The following ZFHX3 variants were observed in gnomAD, a reference collection of about 807,000 sequenced individuals.
ZFHX3 encodes zinc finger homeobox 3.
In ZFHX3, 42 loss-of-function variants were observed where a neutral mutation model predicts 279.1. That is an observed-to-expected ratio of 0.15 (90% CI 0.12 to 0.19). ZFHX3 has a LOEUF of 0.19. Ranked by LOEUF, ZFHX3 falls within the 10% of genes least tolerant of loss-of-function variation. The probability of loss-of-function intolerance (pLI) is 1.00; values close to 1 mark genes in which losing one functional copy is unlikely to be tolerated. For missense variants in ZFHX3, 4,981 were observed against 4,754.0 expected, an observed-to-expected ratio of 1.05 and a Z score of -1.40; for synonymous variants, 2,293 against 1,957.8, an observed-to-expected ratio of 1.17 and a Z score of -4.52.
rs185920663 is a variant in ZFHX3, at chr16:73,367,473, G to A, written c.-1290-49137C>T. Reference sequence around the variant, plus strand: ...ACCTTTGACTGGGTCATGTGTTCAAGCTGGCCCACAGAGACATGAAAACAT... The same window carrying A: ...ACCTTTGACTGGGTCATGTGTTCAAACTGGCCCACAGAGACATGAAAACAT... On this transcript the variant is annotated intron_variant, in intron 3 of 17. Transcript: ENST00000641206. Among the ~76,000 whole-genome samples the A allele has an allele frequency of 3.3e-5, 5 of 152,246 alleles. No homozygotes were observed. The East Asian group carries it at 7.7e-4, about 24-fold the overall frequency.
intron 3 of ZFHX3, among the ~76,000 whole-genome samples, chr16:72,902,260 G>A (rs959417336): frequency 5.9e-5 from 9 of 152,074 alleles, no homozygotes; most frequent in East Asian, 1.9e-4. Context: ...ACAGCTGTTC[G>A]TTCCTTTAAG....
chr16:73,778,529 C>A (rs1959342724), intron 1 of ZFHX3, among the ~76,000 whole-genome samples: 1 of 152,188 alleles, frequency 6.6e-6, no homozygotes, highest in African/African-American at 2.4e-5. Context: ...TATTAAGCTG[C>A]TGTTTTAAGC....
chr16:73,502,352 T>G (rs934106044), intron 2 of ZFHX3, among the ~76,000 whole-genome samples: 17 of 152,250 alleles, frequency 1.1e-4, no homozygotes, highest in African/African-American at 4.1e-4. Context: ...CACCATTGCC[T>G]ACATTCTCTT....
chr16:73,007,945 T>C (rs1185697348), intron 1 of ZFHX3, among the ~76,000 whole-genome samples: 1 of 152,186 alleles, frequency 6.6e-6, no homozygotes, highest in Non-Finnish European at 1.5e-5. Context: ...TCAATTCCTT[T>C]TTAGTTTTCT....
At chr16:73,422,186 G>A (rs562597870) in intron 3 of ZFHX3, among the ~76,000 whole-genome samples, 5 of 134,466 alleles carry the variant, frequency 3.7e-5, no homozygotes, top group African/African-American at 5.6e-5. Flanking sequence ...AAAACAGGAT[G>A]TTTTCAGAAG....
chr16:73,059,508 CTTA>C (rs1965650919), exon 1 of ZFHX3: 1 of 136,098 alleles, frequency 7.3e-6, no homozygotes, highest in Non-Finnish European at 1.6e-5. Flanking sequence ...TCTTTTCTTT[CTTA>C]TTATTTTCCC....
intron 4 of ZFHX3, among the ~76,000 whole-genome samples, chr16:73,286,807 G>A (rs1417095308): frequency 6.9e-6 from 1 of 145,676 alleles, no homozygotes; most frequent in South Asian, 2.2e-4. Context: ...GTGTGGGTTG[G>A]TGTGTGGCTG....
At position 72,959,436 on chromosome 16, in the gene ZFHX3, C is replaced by G; in HGVS notation, c.710G>C (p.Arg237Pro). Residue 237 changes from arginine to proline, a missense_variant, in exon 2 of 10, where the codon CGA (arginine) becomes CCA (proline). Around this residue, in one of 7 missense-constraint regions of ZFHX3, gnomAD observed 1,068 missense variants for 935.2 expected, o/e 1.14. Coordinates refer to ENST00000268489, the MANE Select transcript of ZFHX3 (RefSeq NM_006885.4). The stretch of plus-strand genomic sequence containing the variant: ...CAGGTAATCCTTGTTGCTTTTGTGT[C>G]GCACGTCAAACACGCGGAAGCTGTG... The part of the protein sequence containing the change: ...VLHSFRVFDV[R>P]HKSNKDYLNS... 6.2e-7 allele frequency: 1 copy of G among 1,614,216 alleles called. No homozygotes were observed. Among genetic ancestry groups the G allele is most frequent in the East Asian group, 2.2e-5 (1 of 44,878 alleles).
At chr16:73,514,324 G>A (rs979866003) in intron 2 of ZFHX3, among the ~76,000 whole-genome samples, 1 of 152,166 alleles carries the variant, frequency 6.6e-6, no homozygotes, top group Non-Finnish European at 1.5e-5. Context: ...TTTGTTAAGT[G>A]AATACTATTA....
At chr16:73,857,464 A>C (rs567692594) in intron 1 of ZFHX3, among the ~76,000 whole-genome samples, 1 of 152,314 alleles carries the variant, frequency 6.6e-6, no homozygotes, top group South Asian at 2.1e-4. Flanking sequence ...CACTTGTTCC[A>C]ATCAAAGACT....
intron 1 of ZFHX3, among the ~76,000 whole-genome samples, chr16:73,735,604 C>T (rs1182609365): frequency 6.6e-6 from 1 of 152,112 alleles, no homozygotes; most frequent in Admixed American, 6.6e-5. Context: ...GATCACTGTA[C>T]ATTTGAGAAC....
At chr16:73,214,967 T>C (rs1295464360) in intron 5 of ZFHX3, among the ~76,000 whole-genome samples, 1 of 149,548 alleles carries the variant, frequency 6.7e-6, no homozygotes, top group Non-Finnish European at 1.5e-5. Context: ...GCCACAAGGC[T>C]TAGCCAAACA....
At chr16:73,030,333 C>A (rs1047243615) in intron 1 of ZFHX3, among the ~76,000 whole-genome samples, 1 of 152,200 alleles carries the variant, frequency 6.6e-6, no homozygotes, top group Non-Finnish European at 1.5e-5. Context: ...GGTTCATTCT[C>A]CTCCACGCTG....
chr16:73,053,984 C>G (rs1165610417), intron 1 of ZFHX3, among the ~76,000 whole-genome samples: 2 of 151,310 alleles, frequency 1.3e-5, no homozygotes, highest in African/African-American at 4.9e-5. Context: ...ATCAGCAGCC[C>G]CACAAGAAAA....
chr16:73,884,387 T>C (rs2030278921), intron 1 of ZFHX3, among the ~76,000 whole-genome samples: 1 of 152,240 alleles, frequency 6.6e-6, no homozygotes, highest in African/African-American at 2.4e-5. Flanking sequence ...AATGCAATTT[T>C]TTCCACTTTC....
rs202024883 is a variant in ZFHX3 at position 72,798,332 on chromosome 16, T to C, written c.4350A>G (p.Thr1450=). Residue 1450 remains threonine, a synonymous_variant, in exon 9 of 10, where the codon ACA becomes ACG. Coordinates refer to ENST00000268489, the MANE Select transcript of ZFHX3 (RefSeq NM_006885.4). ...CAGCCTCACTCAGCTCCAGGTGGCT[T>C]GTCTCAAGGTGCTTCTTCAGAGCCT... is the stretch of plus-strand genomic sequence containing the variant. ...TFQALKKHLE[T]SHLELSEADI... 5.2e-5 allele frequency: 84 copies of C among 1,614,196 alleles called. No individual in the cohort carries two copies. The highest frequency in any genetic ancestry group is 6.7e-5 in the African/African-American group (5 of 75,052).
At chr16:72,975,404 G>A (rs763578337) in intron 1 of ZFHX3, among the ~76,000 whole-genome samples, 1 of 152,148 alleles carries the variant, frequency 6.6e-6, no homozygotes, top group Non-Finnish European at 1.5e-5. Flanking sequence ...TCGTGCCACT[G>A]CACTCCAGTC....
intron 1 of ZFHX3, among the ~76,000 whole-genome samples, chr16:73,840,212 G>C (rs571390520): frequency 2.6e-5 from 4 of 152,256 alleles, no homozygotes; most frequent in African/African-American, 7.2e-5. Flanking sequence ...TAGCAGGGAG[G>C]TAAGATGGGG....
chr16:73,889,293 C>A (rs2030451053), intron 1 of ZFHX3, among the ~76,000 whole-genome samples: 1 of 152,174 alleles, frequency 6.6e-6, no homozygotes, highest in Non-Finnish European at 1.5e-5. Context: ...CTGACTGTCT[C>A]GATTCATTCC....
Sources: gnomAD v4.1 joint callset for allele counts (sites outside exome capture counted in the v4.1 genomes callset) on GRCh38, gnomAD v4.1.1 for gene constraint, gnomAD v4.1.1 regional missense constraint, MANE v1.5 for transcripts, NCBI Gene and HGNC (gene_info 2026-07-23, HGNC 2026-07-21) for gene names.